POF1B: variants seen among roughly 807,000 people sequenced by gnomAD.
The protein encoded by POF1B is POF1B actin binding protein, also known as protein POF1B.
Under a neutral mutation model 55.3 loss-of-function variants are expected in POF1B, and 53 were observed. That is an observed-to-expected ratio of 0.96 (90% confidence interval 0.77 to 1.20). The LOEUF (loss-of-function observed/expected upper bound fraction) is 1.20. Among genes scored for constraint, POF1B ranks in the 50% most tolerant of loss-of-function variants. POF1B has a pLI of 0.00. For synonymous variants in POF1B, 188 were observed against 148.3 expected (o/e 1.27, Z -1.95); for missense variants, 478 against 420.5 (o/e 1.14, Z -1.20).
At chrX:85,314,622 T>A in intron 8 of POF1B, 116 bp from the exon 9 acceptor site, 2 of 419,959 alleles carry the variant, frequency 4.8e-6, no homozygotes. Flanking sequence ...CTAATTCACT[T>A]TTTGAGAAAC....
chrX:85,285,677 G>A (rs1233231910), intron 15 of POF1B, among the ~76,000 whole-genome samples: 1 of 106,288 alleles, frequency 9.4e-6, no homozygotes, highest in African/African-American at 3.4e-5. Flanking sequence ...GGAAGGGATA[G>A]CATTAGGAGA....
chrX:85,325,446 C>T (rs184778658), intron 7 of POF1B, among the ~76,000 whole-genome samples: 1 of 111,588 alleles, frequency 9.0e-6, no homozygotes, highest in African/African-American at 3.3e-5. Flanking sequence ...AGATTTTTTG[C>T]CCACCTTTAT....
intron 11 of POF1B, 105 bp downstream of exon 11, chrX:85,307,058 A>G: frequency 1.6e-6 from 1 of 636,615 alleles, no homozygotes; most frequent in Admixed American, 4.2e-5. Flanking sequence ...TTTTTCCATC[A>G]TATTTAATTC....
intron 13 of POF1B, 121 bp downstream of exon 13, chrX:85,305,670 C>T (rs1932554926): frequency 2.8e-6 from 2 of 713,994 alleles, no homozygotes; most frequent in Non-Finnish European, 2.0e-6. Flanking sequence ...GAATACATGA[C>T]ATATTTCTAA....
At chrX:85,348,716 G>T (rs1378533840) in intron 5 of POF1B, among the ~76,000 whole-genome samples, 3 of 111,250 alleles carry the variant, frequency 2.7e-5, no homozygotes, top group Non-Finnish European at 5.7e-5. Context: ...GATAAAGTGG[G>T]CATAAACAAG....
intron 4 of POF1B, among the ~76,000 whole-genome samples, chrX:85,354,503 A>G (rs935657009): frequency 9.0e-6 from 1 of 110,915 alleles, no homozygotes; most frequent in Non-Finnish European, 1.9e-5. Context: ...TTCACTATAA[A>G]TGATGAACGG....
intron 15 of POF1B, among the ~76,000 whole-genome samples, chrX:85,298,906 A>G (rs1243245963): frequency 9.3e-6 from 1 of 107,623 alleles, no homozygotes; most frequent in Admixed American, 9.9e-5. Flanking sequence ...ACAAAGAACT[A>G]AAAAAAAAAC....
chrX:85,285,709 G>T (rs1344458006), intron 15 of POF1B, among the ~76,000 whole-genome samples: 3 of 108,537 alleles, frequency 2.8e-5, no homozygotes, highest in African/African-American at 3.4e-5. Context: ...CAAATGATGA[G>T]TTAATGGGTG....
intron 15 of POF1B, among the ~76,000 whole-genome samples, chrX:85,297,886 C>T (rs1312099773): frequency 8.9e-6 from 1 of 112,189 alleles, no homozygotes. Context: ...CTGCACTGGC[C>T]TATGAACTCA....
chrX:85,288,822 G>A (rs753260849), intron 15 of POF1B, among the ~76,000 whole-genome samples: 1 of 111,646 alleles, frequency 9.0e-6, no homozygotes, highest in Non-Finnish European at 1.9e-5. Flanking sequence ...CCCCAGCTAT[G>A]TGGAACTGTT....
chrX:85,300,017 C>T (rs1434718031), intron 15 of POF1B, among the ~76,000 whole-genome samples: 1 of 112,281 alleles, frequency 8.9e-6, no homozygotes, highest in Non-Finnish European at 1.9e-5. Context: ...GAACATTTGT[C>T]GAAAATAATG....
intron 9 of POF1B, among the ~76,000 whole-genome samples, chrX:85,313,763 T>C (rs1932757418): frequency 9.0e-6 from 1 of 111,342 alleles, no homozygotes; most frequent in Non-Finnish European, 1.9e-5. Flanking sequence ...CCAGCTCCTC[T>C]TTGTACCCCT....
intron 7 of POF1B, among the ~76,000 whole-genome samples, chrX:85,319,129 A>G (rs1569286533): frequency 9.0e-6 from 1 of 111,118 alleles, no homozygotes; most frequent in Non-Finnish European, 1.9e-5. Flanking sequence ...TTTTTGTGGC[A>G]ATTGTGAATG....
chrX:85,363,616 T>C (rs1164909927), intron 3 of POF1B, among the ~76,000 whole-genome samples: 1 of 112,050 alleles, frequency 8.9e-6, no homozygotes, highest in African/African-American at 3.2e-5. Context: ...AGAAGGTGTT[T>C]GGTATGATTT....
intron 15 of POF1B, among the ~76,000 whole-genome samples, chrX:85,282,904 G>T (rs2147888152): frequency 9.0e-6 from 1 of 110,950 alleles, no homozygotes; most frequent in African/African-American, 3.3e-5. Context: ...GAGCAGGCTG[G>T]CAATTTTGGG....
At chrX:85,282,169 C>T (rs1317865116) in intron 16 of POF1B, 34 bp downstream of exon 16, 4 of 1,164,985 alleles carry the variant, frequency 3.4e-6, no homozygotes, top group Non-Finnish European at 4.6e-6. Flanking sequence ...CATATATCGT[C>T]AAAATAGGGC....
At chrX:85,282,767 A>C (rs1931933673) in intron 15 of POF1B, among the ~76,000 whole-genome samples, 1 of 106,420 alleles carries the variant, frequency 9.4e-6, no homozygotes, top group Non-Finnish European at 1.9e-5. Context: ...CAGACAGAAG[A>C]GAGCTACATA....
intron 15 of POF1B, among the ~76,000 whole-genome samples, chrX:85,283,074 C>G (rs1931944492): frequency 9.0e-6 from 1 of 111,190 alleles, no homozygotes; most frequent in African/African-American, 3.3e-5. Context: ...AGTTTAAAAG[C>G]AAGGCTTGGA....
intron 6 of POF1B, among the ~76,000 whole-genome samples, chrX:85,337,369 T>C (rs1933095273): frequency 8.9e-6 from 1 of 111,761 alleles, no homozygotes. Flanking sequence ...CATCAGCAAT[T>C]CAAGACTGTT....
Sources: allele counts gnomAD v4.1 joint callset (sites outside exome capture counted in the v4.1 genomes callset), GRCh38; gene constraint gnomAD v4.1.1; transcripts MANE v1.5; gene names NCBI Gene and HGNC (gene_info 2026-07-23, HGNC 2026-07-21).